SMCHD1: variants seen among roughly 807,000 people sequenced by gnomAD.
SMCHD1 encodes structural maintenance of chromosomes flexible hinge domain containing 1, also known as structural maintenance of chromosomes flexible hinge domain-containing protein 1.
Under a neutral mutation model 254.7 loss-of-function variants are expected in SMCHD1, and 78 were observed. That is an observed-to-expected ratio of 0.31 (90% CI 0.26 to 0.37). SMCHD1 has a LOEUF of 0.37. SMCHD1 is among the 10% of genes least tolerant of loss of function. The pLI is 1.00. For missense variants in SMCHD1, 1,840 were observed against 2,408.1 expected, an observed-to-expected ratio of 0.76 and a Z score of 4.94; for synonymous variants, 766 against 794.9, an observed-to-expected ratio of 0.96 and a Z score of 0.61.
Position 2,666,368 on chromosome 18 carries a change from T to A in SMCHD1, c.262+136T>A, listed in dbSNP as rs190107148. 195 of 540,170 alleles carry A rather than the reference T, an allele frequency of 3.6e-4. 1 individual carries two copies. The highest frequency in any genetic ancestry group is 3.6e-3 in the African/African-American group (185 of 51,504). 33.5% of individuals were successfully genotyped at this position (540,170 alleles called of 1,614,324 possible). On this transcript the variant is annotated intron_variant, in intron 2 of 47. Coordinates refer to ENST00000320876, the MANE Select transcript of SMCHD1 (RefSeq NM_015295.3). ...AATTTGTTGGGATGAGGGAGGAAAC[T>A]GGCTGCATGTGCATAGTCTGCACAG...
chr18:2,718,288 T>G lies in SMCHD1; in HGVS notation c.2339-27T>G, dbSNP rs1295513835. ...ATACATTGGTATTGTGTTGACTTGA[T>G]TTTTAATTTCTTCTTAATTTATCCA... On this transcript the variant is annotated intron_variant, in intron 18 of 47. Coordinates refer to ENST00000320876, the MANE Select transcript of SMCHD1 (RefSeq NM_015295.3). This position sits in a 1 kb window ranked among gnomAD's most constrained non-coding sequence, Gnocchi z 4.6. 1 of 1,607,976 alleles carries G rather than the reference T, an allele frequency of 6.2e-7. No homozygotes were observed. Among genetic ancestry groups the G allele is most frequent in the Non-Finnish European group, 8.5e-7 (1 of 1,177,198 alleles).
chr18:2,748,489 G>T (rs2075511710), intron 30 of SMCHD1, among the ~76,000 whole-genome samples: 1 of 75,036 alleles, frequency 1.3e-5, no homozygotes. Context: ...TGCCTCCCAG[G>T]TTCAAAGCAA....
intron 28 of SMCHD1, among the ~76,000 whole-genome samples, chr18:2,743,515 GATAAA>G (rs1481766927): frequency 1.3e-5 from 2 of 152,202 alleles, no homozygotes; most frequent in East Asian, 1.9e-4. Flanking sequence ...ATTAAGAAAA[GATAAA>G]ATAAAGAGAC....
At chr18:2,760,833 C>G (rs2143683781) in intron 35 of SMCHD1, 94 bp downstream of exon 35, 1 of 608,114 alleles carries the variant, frequency 1.6e-6, no homozygotes. Flanking sequence ...TTCACATTTT[C>G]TCATTTAGTT....
chr18:2,746,705 G>T (rs1313529943), intron 29 of SMCHD1, among the ~76,000 whole-genome samples: 1 of 152,170 alleles, frequency 6.6e-6, no homozygotes, highest in African/African-American at 2.4e-5. Flanking sequence ...GCAGCAGAAG[G>T]AACTTTCTTG....
intron 33 of SMCHD1, 121 bp from the exon 34 acceptor site, chr18:2,752,367 G>A (rs779905368): frequency 1.2e-4 from 83 of 691,842 alleles, no homozygotes; most frequent in Non-Finnish European, 1.9e-4. Flanking sequence ...ATACCTGTAT[G>A]TTTATAAATG....
intron 29 of SMCHD1, 113 bp from the exon 30 acceptor site, chr18:2,747,409 C>A: frequency 2.2e-6 from 2 of 900,814 alleles, no homozygotes; most frequent in Admixed American, 3.5e-5. Context: ...CCAAAGAAGC[C>A]ATTTGCAAAT....
intron 1 of SMCHD1, among the ~76,000 whole-genome samples, chr18:2,656,650 G>A (rs1177634712): frequency 6.6e-6 from 1 of 152,246 alleles, no homozygotes; most frequent in African/African-American, 2.4e-5. Flanking sequence ...ACGAGAGAAG[G>A]GAGTTAACGC....
At position 2,689,252 on chromosome 18, in the gene SMCHD1, C is replaced by T. The variant is rs367898849; in HGVS notation, c.873+505C>T. 9.4e-5 allele frequency among the ~76,000 whole-genome samples: 13 copies of T among 138,148 alleles called. No individual in the cohort carries two copies. The South Asian group carries it at 2.9e-3, about 31-fold the overall frequency. The allele number at this position is 138,148 out of a possible 152,430, so 90.6% of individuals were successfully genotyped here. On this transcript the variant is annotated intron_variant, in intron 7 of 47. Transcript: ENST00000320876. ...TTTTTTTTTGAGATGGAGTCTCACT[C>T]TGTCTCCTGGGCTGGAGTGCAGTGG...
At chr18:2,763,149 C>CT (rs2075814694) in intron 36 of SMCHD1, among the ~76,000 whole-genome samples, 1 of 150,706 alleles carries the variant, frequency 6.6e-6, no homozygotes, top group Admixed American at 6.6e-5. Context: ...GACATCTCTT[C>CT]TTTTCCCAAA....
chr18:2,793,896 A>T (rs1411726168), intron 45 of SMCHD1, among the ~76,000 whole-genome samples: 1 of 151,814 alleles, frequency 6.6e-6, no homozygotes, highest in East Asian at 1.9e-4. Context: ...TTAAAACACT[A>T]CTCTTGACCC....
chr18:2,737,624 A>G (rs1213304435), intron 25 of SMCHD1, among the ~76,000 whole-genome samples: 1 of 152,182 alleles, frequency 6.6e-6, no homozygotes, highest in Non-Finnish European at 1.5e-5. Flanking sequence ...GGGCAGGAGC[A>G]TTGCTTGAGC....
At chr18:2,713,256 T>G (rs1428328952) in intron 17 of SMCHD1, among the ~76,000 whole-genome samples, 1 of 152,166 alleles carries the variant, frequency 6.6e-6, no homozygotes, top group East Asian at 1.9e-4. Context: ...ATATAGGAGG[T>G]AATTAATTAA....
At chr18:2,802,450 C>A in intron 47 of SMCHD1, 78 bp from the exon 48 acceptor site, 3 of 1,010,632 alleles carry the variant, frequency 3.0e-6, no homozygotes, top group Admixed American at 2.6e-5. Context: ...GATATTTAAG[C>A]ATTCAGGTGT....
intron 1 of SMCHD1, among the ~76,000 whole-genome samples, chr18:2,657,002 C>T (rs879817716): frequency 5.9e-5 from 9 of 152,106 alleles, no homozygotes; most frequent in African/African-American, 2.2e-4. Context: ...CCGCTTTAAA[C>T]TGTGATGTAC....
intron 8 of SMCHD1, among the ~76,000 whole-genome samples, chr18:2,695,898 G>C (rs2074276323): frequency 6.6e-6 from 1 of 151,858 alleles, no homozygotes; most frequent in Non-Finnish European, 1.5e-5. Context: ...TGTTACCCAA[G>C]GTATTTAAGT....
intron 1 of SMCHD1, among the ~76,000 whole-genome samples, chr18:2,656,479 C>G (rs2073061745): frequency 6.6e-6 from 1 of 152,252 alleles, no homozygotes; most frequent in East Asian, 1.9e-4. Context: ...CCGGCTCCCC[C>G]GTGGCCCTCC....
At chr18:2,760,778 ATTTTC>A (rs1361978171) in intron 35 of SMCHD1, 39 bp downstream of exon 35, 1 of 1,254,882 alleles carries the variant, frequency 8.0e-7, no homozygotes, top group Admixed American at 2.0e-5. Context: ...TTAGCTTTAC[ATTTTC>A]TTTTTTTTTC....
chr18:2,661,005 A>G (rs2073235044), intron 1 of SMCHD1, among the ~76,000 whole-genome samples: 1 of 152,252 alleles, frequency 6.6e-6, no homozygotes, highest in African/African-American at 2.4e-5. Flanking sequence ...GCCATAAAAA[A>G]GAATGAGATC....
Sources: gnomAD v4.1 joint callset for allele counts (sites outside exome capture counted in the v4.1 genomes callset) on GRCh38, gnomAD v4.1.1 for gene constraint, Gnocchi (gnomAD v3.1) non-coding constraint, MANE v1.5 for transcripts, NCBI Gene and HGNC (gene_info 2026-07-23, HGNC 2026-07-21) for gene names.